FBXL7: variants seen among roughly 807,000 people sequenced by gnomAD.
The protein encoded by FBXL7 is F-box and leucine rich repeat protein 7.
Under a neutral mutation model 38.3 loss-of-function variants are expected in FBXL7, and 12 were observed. The observed-to-expected ratio is 0.31, with a 90% CI of 0.20 to 0.51. The LOEUF (loss-of-function observed/expected upper bound fraction) is 0.51. Ranked by LOEUF, FBXL7 falls within the 20% of genes least tolerant of loss-of-function variation. The pLI is 0.98. For synonymous variants in FBXL7, 297 were observed against 300.9 expected (o/e 0.99, Z 0.13); for missense variants, 567 against 676.4 (o/e 0.84, Z 1.79).
intron 1 of FBXL7, among the ~76,000 whole-genome samples, chr5:15,576,462 G>C (rs980631810): frequency 1.6e-4 from 25 of 152,232 alleles, no homozygotes; most frequent in African/African-American, 5.8e-4. Context: ...TATGAAGGGA[G>C]GTGCCTTATG....
intron 2 of FBXL7, among the ~76,000 whole-genome samples, chr5:15,868,029 G>A (rs760506173): frequency 2.0e-5 from 3 of 151,806 alleles, no homozygotes; most frequent in Middle Eastern, 3.2e-3. Flanking sequence ...ACTTGAACCC[G>A]GGAGGCGGAG....
chr5:15,648,006 T>A (rs1371270363), intron 2 of FBXL7, among the ~76,000 whole-genome samples: 1 of 152,186 alleles, frequency 6.6e-6, no homozygotes, highest in Non-Finnish European at 1.5e-5. Context: ...AATGCCCGTG[T>A]CTAATGACAC....
chr5:15,682,633 A>G (rs1313063405), intron 2 of FBXL7, among the ~76,000 whole-genome samples: 1 of 152,128 alleles, frequency 6.6e-6, no homozygotes, highest in East Asian at 1.9e-4. Flanking sequence ...TAAAATCTTT[A>G]TATCCAGGTA....
At chr5:15,579,117 T>G (rs1401783002) in intron 1 of FBXL7, among the ~76,000 whole-genome samples, 3 of 152,218 alleles carry the variant, frequency 2.0e-5, no homozygotes, top group African/African-American at 7.2e-5. Context: ...CCTTTAGACT[T>G]ACAGGTTCCT....
intron 1 of FBXL7, among the ~76,000 whole-genome samples, chr5:15,541,625 A>G (rs1256131629): frequency 6.8e-6 from 1 of 146,152 alleles, no homozygotes; most frequent in Non-Finnish European, 1.5e-5. Context: ...GCTTACTGCA[A>G]CCTCTGCCTT....
chr5:15,761,845 G>A (rs1579441708), intron 2 of FBXL7, among the ~76,000 whole-genome samples: 1 of 152,286 alleles, frequency 6.6e-6, no homozygotes, highest in East Asian at 1.9e-4. Flanking sequence ...GCTGAAAATT[G>A]TTTTAAAAGA....
chr5:15,836,914 C>G (rs1738606972), intron 2 of FBXL7, among the ~76,000 whole-genome samples: 1 of 152,182 alleles, frequency 6.6e-6, no homozygotes, highest in Non-Finnish European at 1.5e-5. Flanking sequence ...TTTCTCCAGG[C>G]AAGACCCCTC....
At chr5:15,874,413 T>C (rs912925810) in intron 2 of FBXL7, among the ~76,000 whole-genome samples, 10 of 152,176 alleles carry the variant, frequency 6.6e-5, no homozygotes, top group Admixed American at 5.9e-4. Context: ...GAAGTTCTGG[T>C]CAGGGCAGTC....
chr5:15,502,379 C>T (rs1286047363), intron 1 of FBXL7, among the ~76,000 whole-genome samples: 3 of 152,024 alleles, frequency 2.0e-5, no homozygotes, highest in Admixed American at 2.0e-4. Context: ...AATTTTCAAC[C>T]CTTGGGAGAG....
chr5:15,713,926 C>A (rs900492535), intron 2 of FBXL7, among the ~76,000 whole-genome samples: 5 of 152,186 alleles, frequency 3.3e-5, no homozygotes, highest in Admixed American at 2.0e-4. Flanking sequence ...CCTTGGGAAA[C>A]AAATTATTTA....
At chr5:15,532,384 T>G (rs1321981232) in intron 1 of FBXL7, among the ~76,000 whole-genome samples, 1 of 152,256 alleles carries the variant, frequency 6.6e-6, no homozygotes, top group East Asian at 1.9e-4. Flanking sequence ...AAGCTGTGAC[T>G]GAAAGCTCTT....
intron 2 of FBXL7, among the ~76,000 whole-genome samples, chr5:15,859,602 G>T (rs1739390064): frequency 6.6e-6 from 1 of 152,258 alleles, no homozygotes; most frequent in Middle Eastern, 3.4e-3. Context: ...AGACAAGAGA[G>T]TGTGTGCAGA....
intron 2 of FBXL7, among the ~76,000 whole-genome samples, chr5:15,751,804 G>A (rs1736162731): frequency 6.6e-6 from 1 of 152,168 alleles, no homozygotes; most frequent in Non-Finnish European, 1.5e-5. Context: ...TTTTGTAGCA[G>A]ATTAACATTT....
chr5:15,508,881 A>G (rs1002018488), intron 1 of FBXL7, among the ~76,000 whole-genome samples: 5 of 152,060 alleles, frequency 3.3e-5, no homozygotes, highest in African/African-American at 1.2e-4. Context: ...CTTTGGTGGG[A>G]GATAACCTGC....
At chr5:15,525,279 A>G (rs528815564) in intron 1 of FBXL7, among the ~76,000 whole-genome samples, 1 of 152,222 alleles carries the variant, frequency 6.6e-6, no homozygotes, top group East Asian at 1.9e-4. Flanking sequence ...TCATGGAACT[A>G]TTTCTCTTGG....
chr5:15,746,321 G>A (rs1275742640), intron 2 of FBXL7, among the ~76,000 whole-genome samples: 2 of 152,226 alleles, frequency 1.3e-5, no homozygotes, highest in African/African-American at 4.8e-5. Flanking sequence ...GGAACACAAA[G>A]GGGATGTTGA....
At chr5:15,691,189 A>C (rs1047986769) in intron 2 of FBXL7, among the ~76,000 whole-genome samples, 1 of 152,200 alleles carries the variant, frequency 6.6e-6, no homozygotes, top group Non-Finnish European at 1.5e-5. Flanking sequence ...TGGAGTGCAC[A>C]TCCCGCTTGA....
chr5:15,519,602 G>A (rs1258987343), intron 1 of FBXL7, among the ~76,000 whole-genome samples: 4 of 152,146 alleles, frequency 2.6e-5, no homozygotes, highest in Admixed American at 1.3e-4. Context: ...ACCATTTGAC[G>A]GAAGGAAGTT....
chr5:15,887,163 A>G (rs1002825527), intron 2 of FBXL7, among the ~76,000 whole-genome samples: 4 of 152,186 alleles, frequency 2.6e-5, no homozygotes, highest in African/African-American at 4.8e-5. Flanking sequence ...GTTTTGTCCA[A>G]TTTAAGGACT....
Sources: gnomAD v4.1 joint callset for allele counts (sites outside exome capture counted in the v4.1 genomes callset) on GRCh38, gnomAD v4.1.1 for gene constraint, MANE v1.5 for transcripts, NCBI Gene and HGNC (gene_info 2026-07-23, HGNC 2026-07-21) for gene names.